Variants in TRPM4 observed in about 807,000 individuals in gnomAD.
The protein encoded by TRPM4 is calcium-activated non-selective cation channel 1.
A neutral mutation model predicts 135.6 loss-of-function variants in TRPM4; 124 were observed. The observed-to-expected ratio is 0.91, with a 90% CI of 0.79 to 1.06. The LOEUF (loss-of-function observed/expected upper bound fraction) is 1.06, where lower values mean the gene tolerates loss of function less well. TRPM4 is among the 50% of genes least tolerant of loss of function. The pLI, the probability that TRPM4 is intolerant of heterozygous loss-of-function variation, is 0.00. For missense variants in TRPM4, 1,658 were observed against 1,671.4 expected (o/e 0.99, Z 0.14); for synonymous variants, 745 against 705.6 (o/e 1.06, Z -0.88).
At chr19:49,204,892 T>C (rs1424329478) in intron 20 of TRPM4, among the ~76,000 whole-genome samples, 1 of 151,278 alleles carries the variant, frequency 6.6e-6, no homozygotes, top group Non-Finnish European at 1.5e-5. Flanking sequence ...TGAAACTCCT[T>C]TTTAATCCTA....
At chr19:49,206,913 C>G (rs111928477) in intron 20 of TRPM4, among the ~76,000 whole-genome samples, 8,477 of 152,212 alleles carry the variant, frequency 0.056, 706 homozygotes, top group African/African-American at 0.17. Context: ...CCTTTAGATA[C>G]TGTTGTAAGT....
rs545301831 is a variant in TRPM4 at position 49,175,664 on chromosome 19, CTT to C, written c.1150+3569_1150+3570del. ...TTATTTTAATTATTTCTTTCTTTTT[CTT>C]TTTTTTTTTTTTGAGACAGAGTCTC... On this transcript the variant is annotated intron_variant, in intron 9 of 24. Transcript: ENST00000252826. Among the ~76,000 whole-genome samples the C allele has an allele frequency of 3.4e-4, 47 of 140,032 alleles. No individual in the cohort carries two copies. The Middle Eastern group carries it at 0.011, about 33-fold the overall frequency. 91.9% of individuals were successfully genotyped at this position (140,032 alleles called of 152,430 possible).
In TRPM4 at chr19:49,168,344, C is replaced by G. The variant is rs1967312315; in HGVS notation, c.533C>G (p.Thr178Ser). 2 of 1,614,028 alleles carry G rather than the reference C, an allele frequency of 1.2e-6. No individual in the cohort carries two copies. Residue 178 changes from threonine (T) to serine (S), a missense_variant, in exon 5 of 25, where the codon ACT (threonine) becomes AGT (serine). Physicochemically the swap from Thr to Ser is moderately conservative, Grantham distance 58. Around this residue, in one of 3 missense-constraint regions of TRPM4, gnomAD observed 7 missense variants for 22.6 expected, o/e 0.31. Coordinates refer to ENST00000252826, the MANE Select transcript of TRPM4 (RefSeq NM_017636.4). Reference sequence around the variant, plus strand: ...GTACGGGACCATCAGATGGCCAGCACTGGGGGCACCAAGGTGGTGGCCATG... The same window carrying G: ...GTACGGGACCATCAGATGGCCAGCAGTGGGGGCACCAAGGTGGTGGCCATG... Reference protein sequence around the residue: ...VAVRDHQMASTGGTKVVAMGV... With the variant: ...VAVRDHQMASSGGTKVVAMGV...
chr19:49,208,032 C>G (rs1278881542), intron 20 of TRPM4, among the ~76,000 whole-genome samples: 1 of 152,162 alleles, frequency 6.6e-6, no homozygotes, highest in African/African-American at 2.4e-5. Context: ...TGGACAGGGG[C>G]CCTTCCCTGT....
chr19:49,210,072 C>T lies in TRPM4; in HGVS notation c.3132-137C>T. 1.0e-6 allele frequency: 1 copy of T among 992,206 alleles called. No individual in the cohort carries two copies. The allele number at this position is 992,206 out of a possible 1,614,324, so 61.5% of individuals were successfully genotyped here. On this transcript the variant is annotated intron_variant, in intron 20 of 24. Coordinates refer to ENST00000252826, the MANE Select transcript of TRPM4 (RefSeq NM_017636.4). This position sits in a 1 kb window ranked among gnomAD's most constrained non-coding sequence, Gnocchi z 4.1. ...CTCTAACCTGACTTCTAATCGCATC[C>T]TGTAACCTCTGACTTTAGTGATCTT...
At chr19:49,178,020 G>T (rs1225158946) in intron 9 of TRPM4, among the ~76,000 whole-genome samples, 1 of 152,128 alleles carries the variant, frequency 6.6e-6, no homozygotes, top group Non-Finnish European at 1.5e-5. Context: ...GAGGACCAGG[G>T]TCCGTTATGT....
Position 49,171,570 on chromosome 19 carries a change from T to C in TRPM4, c.859-8T>C. 6.2e-7 allele frequency: 1 copy of C among 1,613,962 alleles called. No homozygotes were observed. The highest frequency in any genetic ancestry group is 8.5e-7 in the Non-Finnish European group (1 of 1,179,992). ...ACGTGATGAATAAAGAATGCCTTTA[T>C]CCTGTAGCGAATAGAGAACGCCACC... On this transcript the variant is annotated splice_region_variant and splice_polypyrimidine_tract_variant and intron_variant, in intron 7 of 24. Coordinates refer to ENST00000252826, the MANE Select transcript of TRPM4 (RefSeq NM_017636.4). This position sits in a 1 kb window ranked among gnomAD's most constrained non-coding sequence, Gnocchi z 4.7.
chr19:49,188,991 G>T lies in TRPM4; in HGVS notation c.1919G>T (p.Arg640Leu). The T allele has an allele frequency of 6.2e-7, 1 of 1,614,094 alleles. No homozygotes were observed. Among genetic ancestry groups the T allele is most frequent in the Non-Finnish European group, 8.5e-7 (1 of 1,180,016 alleles). The change falls in exon 14 of 25, where the codon CGC becomes CTC. Residue 640 changes from arginine (R) to leucine (L), a missense_variant. Coordinates refer to ENST00000252826, the MANE Select transcript of TRPM4 (RefSeq NM_017636.4). ...CYRSSEVRAARLLLRRCPLWG... is the reference protein window; with the variant it reads ...CYRSSEVRAALLLLRRCPLWG... Reference sequence around the variant, plus strand: ...CGCAGCAGTGAGGTGAGGGCTGCCCGCCTCCTCCTCCGTCGCTGCCCGCTC... The same window carrying T: ...CGCAGCAGTGAGGTGAGGGCTGCCCTCCTCCTCCTCCGTCGCTGCCCGCTC...
Position 49,210,570 on chromosome 19 carries a change from AC to A in TRPM4, c.3329-139del, listed in dbSNP as rs2145997385. On this transcript the variant is annotated intron_variant, in intron 21 of 24. Transcript: ENST00000252826. This position sits in a 1 kb window ranked among gnomAD's most constrained non-coding sequence, Gnocchi z 4.1. Reference sequence around the variant, plus strand: ...GCTTAAGCACTGAGGGGCAGTGCTTACGGGTGAGGGGCGGGGCATGTTCTCG... The same window carrying A: ...GCTTAAGCACTGAGGGGCAGTGCTTAGGGTGAGGGGCGGGGCATGTTCTCG... The A allele has an allele frequency of 6.9e-7, 1 of 1,455,266 alleles. No individual in the cohort carries two copies. The highest frequency in any genetic ancestry group is 1.9e-5 in the Admixed American group (1 of 53,742). The allele number at this position is 1,455,266 out of a possible 1,614,324, so 90.1% of individuals were successfully genotyped here.
At position 49,158,302 on chromosome 19, in the gene TRPM4, C is replaced by T; in HGVS notation, c.92+43C>T. 3 of 1,578,746 alleles carry T rather than the reference C, an allele frequency of 1.9e-6. No individual in the cohort carries two copies. The South Asian group carries it at 3.3e-5, about 17-fold the overall frequency. ...GGACTGACCCCAGAGGGTCCGCGGCCCGCTGACCCCGCCCGCGGATGGTCA... is the reference window on the plus strand; with the variant it reads ...GGACTGACCCCAGAGGGTCCGCGGCTCGCTGACCCCGCCCGCGGATGGTCA... On this transcript the variant is annotated intron_variant, in intron 2 of 24. Transcript: ENST00000252826.
chr19:49,177,718 G>A (rs894830001), intron 9 of TRPM4, among the ~76,000 whole-genome samples: 1 of 152,178 alleles, frequency 6.6e-6, no homozygotes, highest in Admixed American at 6.5e-5. Context: ...CTGCCTGCAA[G>A]GATTATCACC....
At chr19:49,190,623 T>G in intron 15 of TRPM4, 73 bp from the exon 16 acceptor site, 18 of 1,487,256 alleles carry the variant, frequency 1.2e-5, no homozygotes, top group Non-Finnish European at 1.5e-5. Flanking sequence ...TGAAGAAGTT[T>G]GAGTTTTGCT....
At chr19:49,197,773 C>T (rs1474654249) in intron 17 of TRPM4, among the ~76,000 whole-genome samples, 1 of 151,780 alleles carries the variant, frequency 6.6e-6, no homozygotes, top group Non-Finnish European at 1.5e-5. Context: ...ACCTCCACCT[C>T]CTGGGTTCAA....
chr19:49,194,811 G>A (rs1215095670), intron 16 of TRPM4, among the ~76,000 whole-genome samples: 1 of 136,542 alleles, frequency 7.3e-6, no homozygotes, highest in African/African-American at 2.8e-5. Flanking sequence ...TGCCTCCGCT[G>A]AAGTATAGTA....
At chr19:49,206,582 G>A (rs1484233220) in intron 20 of TRPM4, among the ~76,000 whole-genome samples, 1 of 151,920 alleles carries the variant, frequency 6.6e-6, no homozygotes, top group African/African-American at 2.4e-5. Flanking sequence ...TGGGCTTATA[G>A]GCATGTGCCA....
Position 49,198,288 on chromosome 19 carries a change from G to A in TRPM4, c.2645+1414G>A, listed in dbSNP as rs544436176. Among the ~76,000 whole-genome samples the A allele has an allele frequency of 7.2e-5, 11 of 152,294 alleles. No individual in the cohort carries two copies. The South Asian group carries it at 2.3e-3, about 32-fold the overall frequency. ...GCTACCATGCTCTAGGATTGCCAGT[G>A]ATATTTTGGACAGTTTATCAAGCCT... On this transcript the variant is annotated intron_variant, in intron 17 of 24. Coordinates refer to ENST00000252826, the MANE Select transcript of TRPM4 (RefSeq NM_017636.4).
At chr19:49,164,364 GTTTTTTTTTTTTTTTTTT>G (rs869232937) in intron 2 of TRPM4, among the ~76,000 whole-genome samples, 13 of 16,266 alleles carry the variant, frequency 8.0e-4, no homozygotes, top group Admixed American at 2.8e-3. Flanking sequence ...TCTTTCCTTA[GTTTTTTTTTTTTTTTTTT>G]TTTTTTTTTT....
At chr19:49,200,953 C>G (rs1968907521) in intron 19 of TRPM4, among the ~76,000 whole-genome samples, 168 bp downstream of exon 19, 1 of 151,794 alleles carries the variant, frequency 6.6e-6, no homozygotes, top group African/African-American at 2.4e-5. Flanking sequence ...CTCTCTGGGT[C>G]TCTGCCTACC....
chr19:49,193,862 TCTC>T (rs941976227), intron 16 of TRPM4, among the ~76,000 whole-genome samples: 2 of 150,442 alleles, frequency 1.3e-5, no homozygotes, highest in South Asian at 2.1e-4. Flanking sequence ...TCCTCCTCCT[TCTC>T]CTCCTTGTCC....
Sources: gnomAD v4.1 joint callset for allele counts (sites outside exome capture counted in the v4.1 genomes callset) on GRCh38, gnomAD v4.1.1 for gene constraint, gnomAD v4.1.1 regional missense constraint, Gnocchi (gnomAD v3.1) non-coding constraint, MANE v1.5 for transcripts, NCBI Gene and HGNC (gene_info 2026-07-23, HGNC 2026-07-21) for gene names.